Variants in COLEC12 observed in about 807,000 individuals in gnomAD.
The protein encoded by COLEC12 is collectin subfamily member 12.
A neutral mutation model predicts 71.1 loss-of-function variants in COLEC12; 33 were observed. The ratio of observed to expected loss-of-function variants is 0.46; its 90% CI spans 0.35 to 0.62. The LOEUF (loss-of-function observed/expected upper bound fraction) is 0.62. Ranked by LOEUF, COLEC12 falls within the 20% of genes least tolerant of loss-of-function variation. COLEC12 has a pLI of 0.00. For missense variants in COLEC12, 765 were observed against 916.1 expected, an observed-to-expected ratio of 0.84 and a Z score of 2.13; for synonymous variants, 350 against 353.0, an observed-to-expected ratio of 0.99 and a Z score of 0.10.
chr18:364,176 T>C (rs1040658760), intron 2 of COLEC12, among the ~76,000 whole-genome samples: 1 of 152,176 alleles, frequency 6.6e-6, no homozygotes, highest in African/African-American at 2.4e-5. Flanking sequence ...TTTGGTTTTA[T>C]TGTTTTTTTT....
rs141855780 is a variant in COLEC12 at position 461,295 on chromosome 18, T to A, written c.58+19412A>T. Among the ~76,000 whole-genome samples the A allele has an allele frequency of 3.0e-3, 460 of 152,332 alleles. 3 individuals are homozygous for A. Among genetic ancestry groups the A allele is most frequent in the African/African-American group, 0.01 (425 of 41,582 alleles). On this transcript the variant is annotated intron_variant, in intron 2 of 9. Transcript: ENST00000400256. ...TGAAATGATTTTTAATAATATATTT[T>A]ATTTAACCCAATAGACACCAAACAC... is the stretch of plus-strand genomic sequence containing the variant.
intron 2 of COLEC12, among the ~76,000 whole-genome samples, chr18:456,512 G>A (rs1916874570): frequency 6.6e-6 from 1 of 152,180 alleles, no homozygotes. Context: ...TCCAGTGCCG[G>A]AACAGCAGGA....
chr18:370,130 C>A (rs1484462040), intron 2 of COLEC12, among the ~76,000 whole-genome samples: 4 of 152,172 alleles, frequency 2.6e-5, no homozygotes, highest in Non-Finnish European at 5.9e-5. Flanking sequence ...AAATCAGATT[C>A]TACCAGCTGA....
chr18:499,977 A>C (rs1598384779), intron 1 of COLEC12, among the ~76,000 whole-genome samples: 1 of 152,360 alleles, frequency 6.6e-6, no homozygotes, highest in East Asian at 1.9e-4. Context: ...TTCCCGAGCC[A>C]GCTGAACTCC....
chr18:442,069 C>T (rs567972943), intron 2 of COLEC12, among the ~76,000 whole-genome samples: 2 of 148,618 alleles, frequency 1.3e-5, no homozygotes, highest in Non-Finnish European at 3.0e-5. Flanking sequence ...TGATGACTGT[C>T]AGTGGGGACT....
At chr18:413,109 G>A (rs951396581) in intron 2 of COLEC12, among the ~76,000 whole-genome samples, 1 of 151,954 alleles carries the variant, frequency 6.6e-6, no homozygotes, top group African/African-American at 2.4e-5. Flanking sequence ...GATAGAAGAA[G>A]GTATACCACA....
At chr18:355,896 C>T (rs185215276) in intron 3 of COLEC12, among the ~76,000 whole-genome samples, 94 of 152,326 alleles carry the variant, frequency 6.2e-4, no homozygotes, top group African/African-American at 2.0e-3. Context: ...ATCACTTACT[C>T]TGTTTGCTGC....
intron 2 of COLEC12, among the ~76,000 whole-genome samples, chr18:430,475 A>G (rs548257895): frequency 6.6e-6 from 1 of 152,288 alleles, no homozygotes; most frequent in Admixed American, 6.5e-5. Context: ...TTAGTAGTAC[A>G]TTTTGAAAAA....
intron 2 of COLEC12, among the ~76,000 whole-genome samples, chr18:476,342 C>G (rs922954719): frequency 1.3e-5 from 2 of 152,194 alleles, no homozygotes; most frequent in Non-Finnish European, 2.9e-5. Flanking sequence ...TATGCCTGAG[C>G]CCCAAAGAAG....
At chr18:385,060 T>C (rs1354296646) in intron 2 of COLEC12, among the ~76,000 whole-genome samples, 1 of 152,220 alleles carries the variant, frequency 6.6e-6, no homozygotes, top group African/African-American at 2.4e-5. Context: ...AGACCCCTGC[T>C]GTTTACATGG....
At chr18:356,046 C>A (rs547259408) in intron 3 of COLEC12, among the ~76,000 whole-genome samples, 2 of 152,136 alleles carry the variant, frequency 1.3e-5, no homozygotes, top group South Asian at 4.1e-4. Context: ...TTATTTTCCA[C>A]GTATATGGCC....
intron 2 of COLEC12, among the ~76,000 whole-genome samples, chr18:381,963 A>T (rs1421917833): frequency 5.9e-5 from 9 of 152,062 alleles, no homozygotes; most frequent in African/African-American, 2.2e-4. Flanking sequence ...TTATTGGGGC[A>T]TGTTAAACAA....
chr18:452,394 C>T (rs192497922), intron 2 of COLEC12, among the ~76,000 whole-genome samples: 6 of 152,192 alleles, frequency 3.9e-5, no homozygotes, highest in Admixed American at 6.5e-5. Context: ...TGAGATGAAA[C>T]GGGGAGTACA....
intron 2 of COLEC12, among the ~76,000 whole-genome samples, chr18:358,541 C>G (rs1171819196): frequency 1.3e-5 from 2 of 152,152 alleles, no homozygotes; most frequent in African/African-American, 4.8e-5. Context: ...AGGATTCGCG[C>G]TTCTTTGAGA....
intron 2 of COLEC12, among the ~76,000 whole-genome samples, chr18:477,871 T>C (rs1249335530): frequency 2.6e-5 from 4 of 152,228 alleles, no homozygotes; most frequent in Non-Finnish European, 5.9e-5. Context: ...GACATGTCTC[T>C]GGACACCTTC....
chr18:379,091 T>A (rs1444248564), intron 2 of COLEC12, among the ~76,000 whole-genome samples: 1 of 151,944 alleles, frequency 6.6e-6, no homozygotes, highest in Admixed American at 6.6e-5. Flanking sequence ...AATCTTTTTA[T>A]CTCCTTTTAT....
At chr18:429,180 TCTA>T (rs1336447144) in intron 2 of COLEC12, among the ~76,000 whole-genome samples, 1 of 152,104 alleles carries the variant, frequency 6.6e-6, no homozygotes, top group South Asian at 2.1e-4. Context: ...AAGTTAATCA[TCTA>T]CTCTGTGTGT....
At chr18:357,892 G>T (rs78751252) in intron 2 of COLEC12, among the ~76,000 whole-genome samples, 6,211 of 152,310 alleles carry the variant, frequency 0.041, 156 homozygotes, top group South Asian at 0.081. Flanking sequence ...CCAGTCTGGT[G>T]GCCTGTTAGG....
intron 2 of COLEC12, among the ~76,000 whole-genome samples, chr18:425,648 C>T (rs1016860625): frequency 5.9e-5 from 9 of 152,202 alleles, no homozygotes; most frequent in African/African-American, 1.9e-4. Context: ...ACAGCCCCCA[C>T]GGTCATCAAC....
Sources: allele counts gnomAD v4.1 joint callset (sites outside exome capture counted in the v4.1 genomes callset), GRCh38; gene constraint gnomAD v4.1.1; transcripts MANE v1.5; gene names NCBI Gene and HGNC (gene_info 2026-07-23, HGNC 2026-07-21).